KCNG2: variants seen among roughly 807,000 people sequenced by gnomAD.
The protein encoded by KCNG2 is voltage-gated potassium channel regulatory subunit KCNG2.
Under a neutral mutation model 12.3 loss-of-function variants are expected in KCNG2, and 7 were observed. The observed-to-expected ratio is 0.57, with a 90% confidence interval of 0.32 to 1.07. The LOEUF is 1.07. Ranked by LOEUF, KCNG2 falls within the 50% of genes least tolerant of loss-of-function variation. The pLI is 0.04. For missense variants in KCNG2, 703 were observed against 726.0 expected, an observed-to-expected ratio of 0.97 and a Z score of 0.36; for synonymous variants, 414 against 351.4, an observed-to-expected ratio of 1.18 and a Z score of -1.99.
At chr18:79,877,278 G>A (rs879689015) in intron 3 of KCNG2, among the ~76,000 whole-genome samples, 13 of 152,196 alleles carry the variant, frequency 8.5e-5, no homozygotes, top group Non-Finnish European at 1.6e-4. Context: ...TGCGGACAGA[G>A]TCGCTGCTGA....
intron 1 of KCNG2, among the ~76,000 whole-genome samples, chr18:79,811,976 C>T (rs1048667948): frequency 6.6e-6 from 1 of 151,972 alleles, no homozygotes; most frequent in African/African-American, 2.4e-5. Flanking sequence ...AGTTGTGTGA[C>T]GATAACAAAA....
intron 1 of KCNG2, among the ~76,000 whole-genome samples, chr18:79,854,457 G>A (rs753326433): frequency 7.2e-5 from 11 of 151,834 alleles, no homozygotes; most frequent in Non-Finnish European, 1.2e-4. Context: ...TCCTCAAAGA[G>A]CCTTTAATGA....
At chr18:79,858,327 C>T (rs549696157) in intron 2 of KCNG2, among the ~76,000 whole-genome samples, 81 of 152,340 alleles carry the variant, frequency 5.3e-4, no homozygotes, top group African/African-American at 1.9e-3. Flanking sequence ...AACGGATTCC[C>T]AGTATATGTG....
intron 3 of KCNG2, among the ~76,000 whole-genome samples, chr18:79,866,569 G>A (rs1163962702): frequency 4.1e-5 from 6 of 146,114 alleles, no homozygotes; most frequent in Admixed American, 1.4e-4. Context: ...TCTGGATGCC[G>A]AGGTCTCTGT....
intron 3 of KCNG2, among the ~76,000 whole-genome samples, chr18:79,889,567 A>G (rs1176510445): frequency 6.6e-6 from 1 of 152,266 alleles, no homozygotes; most frequent in Non-Finnish European, 1.5e-5. Flanking sequence ...GTATAGAGAT[A>G]AAATGGATTG....
chr18:79,819,730 A>G (rs1409895110), intron 1 of KCNG2, among the ~76,000 whole-genome samples: 1 of 152,230 alleles, frequency 6.6e-6, no homozygotes, highest in Non-Finnish European at 1.5e-5. Flanking sequence ...TTCCATTTTA[A>G]CTATTTCAAG....
Position 79,853,626 on chromosome 18 carries a change from G to A in KCNG2, c.-114-2753G>A, listed in dbSNP as rs112885086. 7.9e-3 allele frequency among the ~76,000 whole-genome samples: 1,204 copies of A among 152,312 alleles called. 22 individuals are homozygous for A. Among genetic ancestry groups the A allele is most frequent in the African/African-American group, 0.027 (1,134 of 41,568 alleles). On this transcript the variant is annotated intron_variant, in intron 1 of 3. Coordinates refer to ENST00000316249, the MANE Select transcript of KCNG2 (RefSeq NM_012283.2). ...AACCTGCTAGGGCTGTGGGTGCAGC[G>A]GACAGGAAGCTCAGAGCAGAGGCTG...
Position 79,866,338 on chromosome 18 carries a change from T to G in KCNG2, c.624+2047T>G, listed in dbSNP as rs1447454652. On this transcript the variant is annotated intron_variant, in intron 3 of 3. Coordinates refer to ENST00000316249, the MANE Select transcript of KCNG2 (RefSeq NM_012283.2). ...GCTGAGGTCTGGGTGCTGAGGTCTG[T>G]GTGCTGAGAGGTCTGTGTGCTGAGG... 4.1e-3 allele frequency among the ~76,000 whole-genome samples: 534 copies of G among 131,554 alleles called. 1 individual carries two copies. The highest frequency in any genetic ancestry group is 4.9e-3 in the Non-Finnish European group (310 of 62,962). The allele number at this position is 131,554 out of a possible 152,430, so 86.3% of individuals were successfully genotyped here.
chr18:79,866,426 TGG>T, intron 3 of KCNG2, among the ~76,000 whole-genome samples: 1 of 122,130 alleles, frequency 8.2e-6, no homozygotes, highest in Non-Finnish European at 1.8e-5. Flanking sequence ...CTGAGAGGTC[TGG>T]GTGCTGAGAG....
At chr18:79,801,055 CG>C (rs2087405856) in intron 1 of KCNG2, among the ~76,000 whole-genome samples, 1 of 152,108 alleles carries the variant, frequency 6.6e-6, no homozygotes, top group African/African-American at 2.4e-5. Flanking sequence ...TGCGGATGTC[CG>C]GGGCGGCCAA....
At chr18:79,837,452 C>T (rs1447802040) in intron 1 of KCNG2, among the ~76,000 whole-genome samples, 1 of 152,242 alleles carries the variant, frequency 6.6e-6, no homozygotes, top group Non-Finnish European at 1.5e-5. Context: ...CTCCACTAGG[C>T]AGTTCCCCAG....
chr18:79,837,859 C>G (rs1369390087), intron 1 of KCNG2, among the ~76,000 whole-genome samples: 5 of 152,254 alleles, frequency 3.3e-5, no homozygotes, highest in Middle Eastern at 3.4e-3. Context: ...TAGCAGTGCC[C>G]CACTCCAGGT....
Position 79,899,666 on chromosome 18 carries a change from G to A in KCNG2, c.1251G>A (p.Glu417=). 1 of 1,607,468 alleles carries A rather than the reference G, an allele frequency of 6.2e-7. No individual in the cohort carries two copies. The highest frequency in any genetic ancestry group is 1.1e-5 in the South Asian group (1 of 89,856). The change falls in exon 4 of 4, where the codon GAG becomes GAA. Residue 417 remains glutamate (E), a synonymous_variant. Transcript: ENST00000316249. ...TFSRSYSELK[E]QQQRAASPEP... Reference sequence around the variant, plus strand: ...CGCGCTCCTACTCCGAGCTCAAGGAGCAGCAGCAGCGCGCGGCCAGCCCCG... The same window carrying A: ...CGCGCTCCTACTCCGAGCTCAAGGAACAGCAGCAGCGCGCGGCCAGCCCCG...
At chr18:79,798,886 C>G (rs1333066977) in intron 1 of KCNG2, among the ~76,000 whole-genome samples, 1 of 152,220 alleles carries the variant, frequency 6.6e-6, no homozygotes, top group Non-Finnish European at 1.5e-5. Context: ...GTCCCGGAGA[C>G]CCTGGGGCAT....
At chr18:79,815,527 G>T (rs918657273) in intron 1 of KCNG2, among the ~76,000 whole-genome samples, 2 of 151,758 alleles carry the variant, frequency 1.3e-5, no homozygotes, top group African/African-American at 4.8e-5. Flanking sequence ...AATCAAAGAA[G>T]AATCAAAACT....
chr18:79,872,362 T>C (rs1203347548), intron 3 of KCNG2, among the ~76,000 whole-genome samples: 2 of 130,032 alleles, frequency 1.5e-5, no homozygotes, highest in Non-Finnish European at 3.1e-5. Context: ...CACAGCTTAC[T>C]GCAATCTCCA....
chr18:79,897,872 TCTC>T (rs1261047734), intron 3 of KCNG2, among the ~76,000 whole-genome samples: 1 of 151,928 alleles, frequency 6.6e-6, no homozygotes, highest in Non-Finnish European at 1.5e-5. Flanking sequence ...AGCAACCTCT[TCTC>T]TGTCTCACTG....
intron 3 of KCNG2, among the ~76,000 whole-genome samples, chr18:79,896,435 G>C (rs1980978351): frequency 6.6e-6 from 1 of 152,164 alleles, no homozygotes; most frequent in South Asian, 2.1e-4. Flanking sequence ...TGGTGCGATT[G>C]TTGTAATACA....
At chr18:79,863,603 C>A in intron 2 of KCNG2, 25 bp from the exon 3 acceptor site, 1 of 1,178,588 alleles carries the variant, frequency 8.5e-7, no homozygotes, top group Non-Finnish European at 1.1e-6. Context: ...CCTCGCGACC[C>A]TAACGCGGTC....
Sources: allele counts gnomAD v4.1 joint callset (sites outside exome capture counted in the v4.1 genomes callset), GRCh38; gene constraint gnomAD v4.1.1; transcripts MANE v1.5; gene names NCBI Gene and HGNC (gene_info 2026-07-23, HGNC 2026-07-21).